Variants in TRAF3 observed in about 807,000 individuals in gnomAD.
TRAF3 encodes the protein TNF receptor associated factor 3, also known as TNF receptor-associated factor 3.
Under a neutral mutation model 62.3 loss-of-function variants are expected in TRAF3, and 13 were observed. That is an observed-to-expected ratio of 0.21 (90% CI 0.14 to 0.33). The LOEUF (loss-of-function observed/expected upper bound fraction) is 0.33, where lower values mean the gene tolerates loss of function less well. Ranked by LOEUF, TRAF3 falls within the 10% of genes least tolerant of loss-of-function variation. The pLI, the probability that TRAF3 is intolerant of heterozygous loss-of-function variation, is 1.00. For synonymous variants in TRAF3, 269 were observed against 283.4 expected (o/e 0.95, Z 0.51); for missense variants, 440 against 741.8 (o/e 0.59, Z 4.73).
At chr14:102,880,960 G>A (rs1036349848) in intron 6 of TRAF3, among the ~76,000 whole-genome samples, 1 of 152,022 alleles carries the variant, frequency 6.6e-6, no homozygotes, top group African/African-American at 2.4e-5. Context: ...GCCTGTAATC[G>A]CAGGTGCCTG....
At chr14:102,886,115 C>A in intron 6 of TRAF3, 74 bp from the exon 7 acceptor site, 1 of 1,513,802 alleles carries the variant, frequency 6.6e-7, no homozygotes, top group South Asian at 1.1e-5. Flanking sequence ...CCTGGGGGCC[C>A]CATGGGGATC....
intron 1 of TRAF3, among the ~76,000 whole-genome samples, chr14:102,782,845 G>A (rs1376914154): frequency 3.3e-5 from 5 of 152,060 alleles, no homozygotes; most frequent in Non-Finnish European, 7.4e-5. Flanking sequence ...GAACCCAAAA[G>A]CGTATTTATT....
At chr14:102,821,031 C>CTAAATA (rs1899955093) in intron 1 of TRAF3, among the ~76,000 whole-genome samples, 1 of 152,056 alleles carries the variant, frequency 6.6e-6, no homozygotes, top group Non-Finnish European at 1.5e-5. Context: ...AATATGCCTA[C>CTAAATA]TAAATATGCA....
At chr14:102,901,008 G>A (rs1024231358) in intron 10 of TRAF3, among the ~76,000 whole-genome samples, 5 of 152,330 alleles carry the variant, frequency 3.3e-5, no homozygotes, top group East Asian at 3.9e-4. Context: ...GTGACTCTGC[G>A]TTCTGCTTTG....
rs540563941 is a variant in TRAF3, at chr14:102,886,216, G to T, written c.598G>T (p.Val200Leu). The T allele has an allele frequency of 3.7e-6, 6 of 1,613,042 alleles. No individual in the cohort carries two copies. The Admixed American group carries it at 1.0e-4, about 27-fold the overall frequency. Residue 200 changes from valine (V) to leucine (L), a missense_variant, in exon 7 of 12, where the codon GTG (valine) becomes TTG (leucine). This residue lies in a region of TRAF3 where 255 missense variants were observed against 424.1 expected (regional missense o/e 0.60). Coordinates refer to ENST00000392745, the MANE Select transcript of TRAF3 (RefSeq NM_145725.3). The part of the protein sequence containing the change: ...QKHEDTDCPC[V>L]VVSCPHKCSV... ...ACACGAAGACACCGACTGTCCCTGC[G>T]TGGTGGTGTCCTGCCCTCACAAGTG...
rs181484312 is a variant in TRAF3, at chr14:102,891,449, T to C, written c.819+32T>C. The C allele has an allele frequency of 4.6e-3, 7,307 of 1,587,748 alleles. 55 individuals carry two copies. The highest frequency in any genetic ancestry group is 0.02 in the Admixed American group (1,128 of 56,834). On this transcript the variant is annotated intron_variant, in intron 9 of 11. Coordinates refer to ENST00000392745, the MANE Select transcript of TRAF3 (RefSeq NM_145725.3). ...TGCACACTTTCCTGCTGCTATGGGA[T>C]TTGTATCATCTCTTCAGATTATTTA...
At chr14:102,883,726 C>T (rs1257400794) in intron 6 of TRAF3, among the ~76,000 whole-genome samples, 3 of 152,118 alleles carry the variant, frequency 2.0e-5, no homozygotes, top group African/African-American at 7.2e-5. Context: ...GCTGGGATTA[C>T]GGGTGCCCGC....
intron 1 of TRAF3, among the ~76,000 whole-genome samples, chr14:102,813,697 C>T (rs1027924802): frequency 2.6e-5 from 4 of 152,018 alleles, no homozygotes; most frequent in Non-Finnish European, 5.9e-5. Context: ...TTGATCCACC[C>T]GCCTCGGCCT....
intron 1 of TRAF3, among the ~76,000 whole-genome samples, chr14:102,805,541 C>T (rs538903926): frequency 4.4e-4 from 67 of 152,282 alleles, no homozygotes; most frequent in African/African-American, 1.5e-3. Flanking sequence ...TCTGCTGTGG[C>T]TGAGTCATCG....
chr14:102,875,794 T>C (rs1186572153), intron 5 of TRAF3, 66 bp downstream of exon 5: 2 of 1,382,570 alleles, frequency 1.4e-6, no homozygotes, highest in Admixed American at 1.7e-5. Flanking sequence ...ATCCAGCTGA[T>C]GAAGTGGTCA....
rs147807437 is a variant in TRAF3 at position 102,807,809 on chromosome 14, A to G, written c.-156-22525A>G. On this transcript the variant is annotated intron_variant, in intron 1 of 11. Coordinates refer to ENST00000392745, the MANE Select transcript of TRAF3 (RefSeq NM_145725.3). The stretch of plus-strand genomic sequence containing the variant: ...GTTCCACCCTGTTTTTATGGCACAC[A>G]GAAAGGTAGGCGCATAGTGATGTTG... 1.1e-4 allele frequency among the ~76,000 whole-genome samples: 17 copies of G among 152,310 alleles called. No homozygotes were observed. The East Asian group carries it at 3.3e-3, about 29-fold the overall frequency.
At chr14:102,842,074 G>A (rs972308682) in intron 2 of TRAF3, among the ~76,000 whole-genome samples, 3 of 151,792 alleles carry the variant, frequency 2.0e-5, no homozygotes, top group East Asian at 1.9e-4. Context: ...GCGAAACCTC[G>A]TCTCTACTGA....
At chr14:102,888,117 C>G (rs1042016325) in intron 7 of TRAF3, among the ~76,000 whole-genome samples, 7 of 152,154 alleles carry the variant, frequency 4.6e-5, no homozygotes, top group African/African-American at 1.7e-4. Context: ...GTCAGTGTGT[C>G]CCTGGCTTAA....
At chr14:102,902,391 G>A (rs1055209795) in intron 10 of TRAF3, among the ~76,000 whole-genome samples, 5 of 152,208 alleles carry the variant, frequency 3.3e-5, no homozygotes, top group Admixed American at 3.3e-4. Flanking sequence ...TCTTCTCCTG[G>A]GACCCTGGGG....
At chr14:102,895,056 A>G (rs1889929004) in intron 9 of TRAF3, 1 of 455,582 alleles carries the variant, frequency 2.2e-6, no homozygotes, top group Non-Finnish European at 4.4e-6. Flanking sequence ...GTTGGCATAC[A>G]TGTCATCTTT....
chr14:102,792,100 C>G (rs1897826357), intron 1 of TRAF3, among the ~76,000 whole-genome samples: 1 of 146,432 alleles, frequency 6.8e-6, no homozygotes, highest in African/African-American at 2.5e-5. Flanking sequence ...AGGTGCGAGC[C>G]ACTGTGCCTG....
In TRAF3 at chr14:102,870,097, A is replaced by C. The variant is rs1888245664; in HGVS notation, c.-17-88A>C. On this transcript the variant is annotated intron_variant, in intron 2 of 11. Transcript: ENST00000392745. ...GTGTTGCCTAAAACTGAAAGACAGC[A>C]GGTCTCAGGCACTTTTGCTTTCCCA... is the stretch of plus-strand genomic sequence containing the variant. The C allele has an allele frequency of 2.0e-6, 3 of 1,529,098 alleles. No homozygotes were observed. The Admixed American group carries it at 5.0e-5, about 26-fold the overall frequency. The allele number at this position is 1,529,098 out of a possible 1,614,324, so 94.7% of individuals were successfully genotyped here.
At position 102,870,459 on chromosome 14, in the gene TRAF3, G is replaced by T; in HGVS notation, c.245+13G>T. On this transcript the variant is annotated intron_variant, in intron 3 of 11. Coordinates refer to ENST00000392745, the MANE Select transcript of TRAF3 (RefSeq NM_145725.3). ...CGGCCCTGCTGAGGTAGGCGCCCTCGCCCGGCCCGTCGCCCGGCCCCTTCT... is the reference window on the plus strand; with the variant it reads ...CGGCCCTGCTGAGGTAGGCGCCCTCTCCCGGCCCGTCGCCCGGCCCCTTCT... 1.2e-6 allele frequency: 2 copies of T among 1,608,704 alleles called. No homozygotes were observed. The highest frequency in any genetic ancestry group is 2.2e-5 in the East Asian group (1 of 44,862).
intron 2 of TRAF3, among the ~76,000 whole-genome samples, chr14:102,865,355 A>G (rs192124125): frequency 3.5e-4 from 54 of 152,296 alleles, no homozygotes; most frequent in East Asian, 7.7e-4. Flanking sequence ...ATGTCTGTCA[A>G]TTTGACATAG....
Sources: gnomAD v4.1 joint callset for allele counts (sites outside exome capture counted in the v4.1 genomes callset) on GRCh38, gnomAD v4.1.1 for gene constraint, gnomAD v4.1.1 regional missense constraint, MANE v1.5 for transcripts, NCBI Gene and HGNC (gene_info 2026-07-23, HGNC 2026-07-21) for gene names.